The following MYO5A variants were observed in gnomAD, a reference collection of about 807,000 sequenced individuals.
The protein encoded by MYO5A is myosin VA, also known as unconventional myosin-Va.
A neutral mutation model predicts 249.7 loss-of-function variants in MYO5A; 98 were observed. The ratio of observed to expected loss-of-function variants is 0.39; its 90% CI spans 0.33 to 0.46. The LOEUF (loss-of-function observed/expected upper bound fraction) is 0.46. Ranked by LOEUF, MYO5A falls within the 20% of genes least tolerant of loss-of-function variation. The probability of loss-of-function intolerance (pLI) is 0.98; values close to 1 mark genes in which losing one functional copy is unlikely to be tolerated. For missense variants in MYO5A, 1,696 were observed against 2,308.8 expected (o/e 0.73, Z 5.44); for synonymous variants, 778 against 810.6 (o/e 0.96, Z 0.68).
intron 32 of MYO5A, among the ~76,000 whole-genome samples, chr15:52,338,225 T>C (rs1195705957): frequency 8.3e-5 from 2 of 24,192 alleles, no homozygotes; most frequent in Non-Finnish European, 1.5e-4. Flanking sequence ...CTTGCTGCAC[T>C]TTTTTTTTTT....
At chr15:52,433,763 T>G (rs536211817) in intron 1 of MYO5A, among the ~76,000 whole-genome samples, 217 of 152,168 alleles carry the variant, frequency 1.4e-3, no homozygotes, top group African/African-American at 5.0e-3. Context: ...ATATTTTAGC[T>G]CTCATAGCAC....
intron 1 of MYO5A, among the ~76,000 whole-genome samples, chr15:52,442,335 C>A (rs535301679): frequency 9.9e-5 from 15 of 152,198 alleles, no homozygotes; most frequent in African/African-American, 3.6e-4. Context: ...TAGATCAGGG[C>A]AAGGGGTCAC....
At chr15:52,325,910 G>A (rs1596292011) in intron 36 of MYO5A, among the ~76,000 whole-genome samples, 1 of 152,146 alleles carries the variant, frequency 6.6e-6, no homozygotes, top group East Asian at 1.9e-4. Context: ...CAATAAACAA[G>A]CTGTATTTGA....
At chr15:52,350,245 AAAGT>A (rs1242903071) in intron 28 of MYO5A, among the ~76,000 whole-genome samples, 1 of 152,130 alleles carries the variant, frequency 6.6e-6, no homozygotes, top group Non-Finnish European at 1.5e-5. Flanking sequence ...GATTTATTTT[AAAGT>A]AAGAAAGCCC....
chr15:52,411,537 CA>C (rs201405373), intron 5 of MYO5A, among the ~76,000 whole-genome samples: 23,383 of 121,832 alleles, frequency 0.19, 1,796 homozygotes, highest in Middle Eastern at 0.25. Flanking sequence ...TAAGGCAAAG[CA>C]AAAAAAAAAA....
At chr15:52,379,997 G>C (rs1045536721) in intron 16 of MYO5A, 89 bp from the exon 17 acceptor site, 9 of 1,296,242 alleles carry the variant, frequency 6.9e-6, no homozygotes, top group African/African-American at 2.9e-5. Context: ...AAATTCTTTC[G>C]TAAGAGCAAA....
At chr15:52,400,159 T>C (rs767965710) in intron 9 of MYO5A, among the ~76,000 whole-genome samples, 2 of 152,228 alleles carry the variant, frequency 1.3e-5, no homozygotes, top group Admixed American at 6.5e-5. Flanking sequence ...TTTCTTGCTA[T>C]ATTTTGATTT....
At chr15:52,340,936 G>A (rs1291431140) in intron 31 of MYO5A, among the ~76,000 whole-genome samples, 1 of 135,812 alleles carries the variant, frequency 7.4e-6, no homozygotes, top group African/African-American at 3.1e-5. Context: ...CAACAAACAA[G>A]AGCAAAACTT....
intron 5 of MYO5A, among the ~76,000 whole-genome samples, chr15:52,411,156 T>C (rs1466105280): frequency 6.6e-6 from 1 of 152,156 alleles, no homozygotes; most frequent in African/African-American, 2.4e-5. Context: ...AGGTTTTTAT[T>C]TTTTTCCAAA....
chr15:52,378,848 C>T (rs559337952), intron 18 of MYO5A, among the ~76,000 whole-genome samples: 12 of 152,140 alleles, frequency 7.9e-5, no homozygotes, highest in Non-Finnish European at 1.5e-4. Flanking sequence ...TTGGGCCCAA[C>T]CTCAGACCTA....
At chr15:52,425,557 G>A (rs943987983) in intron 4 of MYO5A, among the ~76,000 whole-genome samples, 8 of 151,940 alleles carry the variant, frequency 5.3e-5, no homozygotes, top group South Asian at 2.1e-4. Flanking sequence ...GCGGGGTTTC[G>A]CCATGTTGGC....
At chr15:52,472,946 T>G (rs1472659146) in intron 1 of MYO5A, among the ~76,000 whole-genome samples, 1 of 152,262 alleles carries the variant, frequency 6.6e-6, no homozygotes, top group Non-Finnish European at 1.5e-5. Flanking sequence ...TTTCTAGTTC[T>G]AGATCCTTGA....
chr15:52,321,193 A>C (rs2038293017), intron 38 of MYO5A, among the ~76,000 whole-genome samples, 166 bp downstream of exon 38: 1 of 152,218 alleles, frequency 6.6e-6, no homozygotes. Context: ...ATCCCAGTTA[A>C]CTATGGCTGG....
At position 52,343,150 on chromosome 15, in the gene MYO5A, C is replaced by G; in HGVS notation, c.4007G>C (p.Trp1336Ser). 6.2e-7 allele frequency: 1 copy of G among 1,613,896 alleles called. No individual in the cohort carries two copies. Among genetic ancestry groups the G allele is most frequent in the Non-Finnish European group, 8.5e-7 (1 of 1,179,814 alleles). Reference protein sequence around the residue: ...YHELNEDGELWLVYEGLKQAN... With the variant: ...YHELNEDGELSLVYEGLKQAN... ...TTGTTTTAACCCTTCATAAACCAGC[C>G]ACAGCTCTCCATCCTCATTCAACTC... is the stretch of plus-strand genomic sequence containing the variant. The change falls in exon 31 of 42, where the codon TGG becomes TCG. Residue 1336 changes from tryptophan to serine, a missense_variant. Transcript: ENST00000399233.
chr15:52,487,095 C>T (rs191769095), intron 1 of MYO5A, among the ~76,000 whole-genome samples: 4 of 152,060 alleles, frequency 2.6e-5, no homozygotes, highest in African/African-American at 9.7e-5. Context: ...AAATTATTTC[C>T]TGGGGGATGT....
In MYO5A at chr15:52,523,554, T is replaced by C. The variant is rs77668522; in HGVS notation, c.27+5226A>G. On this transcript the variant is annotated intron_variant, in intron 1 of 41. Transcript: ENST00000399233. ...GAGTATCGTGGGAGTGGTAAACATA[T>C]ACACAAATACAGTAACCGTAATAAG... Among the ~76,000 whole-genome samples the C allele has an allele frequency of 8.5e-4, 130 of 152,222 alleles. 1 individual carries two copies. Among genetic ancestry groups the C allele is most frequent in the African/African-American group, 3.0e-3 (125 of 41,516 alleles).
chr15:52,382,799 A>G (rs1305437579), intron 16 of MYO5A, among the ~76,000 whole-genome samples: 1 of 152,198 alleles, frequency 6.6e-6, no homozygotes, highest in Non-Finnish European at 1.5e-5. Flanking sequence ...ATGAACAAAA[A>G]TCCCAGAGAG....
At chr15:52,478,139 C>T (rs1414098440) in intron 1 of MYO5A, among the ~76,000 whole-genome samples, 4 of 152,240 alleles carry the variant, frequency 2.6e-5, no homozygotes, top group Non-Finnish European at 5.9e-5. Flanking sequence ...GCCTCGCTGC[C>T]ACCTTGCAGT....
intron 22 of MYO5A, 69 bp downstream of exon 22, chr15:52,370,100 G>T: frequency 6.3e-7 from 1 of 1,595,986 alleles, no homozygotes; most frequent in African/African-American, 1.3e-5. Context: ...GAGTCACACG[G>T]ACCAAGTCAT....
Sources: gnomAD v4.1 joint callset for allele counts (sites outside exome capture counted in the v4.1 genomes callset) on GRCh38, gnomAD v4.1.1 for gene constraint, MANE v1.5 for transcripts, NCBI Gene and HGNC (gene_info 2026-07-23, HGNC 2026-07-21) for gene names.